The following DNAH14 variants were observed in gnomAD, a reference collection of about 807,000 sequenced individuals.
DNAH14 encodes dynein axonemal heavy chain 14.
Under a neutral mutation model 520.9 loss-of-function variants are expected in DNAH14, and 478 were observed. The observed-to-expected ratio is 0.92, with a 90% CI of 0.85 to 0.99. The LOEUF (loss-of-function observed/expected upper bound fraction) is 0.99, where lower values mean the gene tolerates loss of function less well. Ranked by LOEUF, DNAH14 falls within the 50% of genes least tolerant of loss-of-function variation. The pLI is 0.00. For missense variants in DNAH14, 4,831 were observed against 5,234.5 expected (o/e 0.92, Z 2.38); for synonymous variants, 1,581 against 1,757.2 (o/e 0.90, Z 2.51).
chr1:225,318,745 C>G, intron 61 of DNAH14, 68 bp downstream of exon 61: 1 of 1,401,926 alleles, frequency 7.1e-7, no homozygotes, highest in Non-Finnish European at 9.7e-7. Flanking sequence ...GTTTACTAAG[C>G]CTATATTCCA....
At chr1:225,200,881 C>T (rs968074983) in intron 38 of DNAH14, among the ~76,000 whole-genome samples, 1 of 152,070 alleles carries the variant, frequency 6.6e-6, no homozygotes, top group African/African-American at 2.4e-5. Context: ...CATCGAGCTT[C>T]TTGTATTTAA....
At chr1:225,091,191 T>G (rs2074359480) in intron 21 of DNAH14, among the ~76,000 whole-genome samples, 2 of 152,084 alleles carry the variant, frequency 1.3e-5, no homozygotes, top group Non-Finnish European at 2.9e-5. Flanking sequence ...TCATGAAAAT[T>G]TCTTCAACTT....
Position 225,351,894 on chromosome 1 carries a change from A to G in DNAH14, c.11533+11A>G, listed in dbSNP as rs1199904520. 1.3e-6 allele frequency: 2 copies of G among 1,546,294 alleles called. No homozygotes were observed. Among genetic ancestry groups the G allele is most frequent in the East Asian group, 2.4e-5 (1 of 40,878 alleles). On this transcript the variant is annotated intron_variant, in intron 72 of 85. Coordinates refer to ENST00000682510, the MANE Select transcript of DNAH14 (RefSeq NM_001367479.1). ...AACCACCAGAGGAAAGTAAGAAAGC[A>G]TTCAGTGTTTTAACCTAACTTAAGT...
intron 1 of DNAH14, among the ~76,000 whole-genome samples, chr1:224,934,770 C>T (rs2058918437): frequency 1.3e-5 from 2 of 151,776 alleles, no homozygotes; most frequent in Admixed American, 1.3e-4. Context: ...ATCTTAAAAA[C>T]ACCAAGAGAA....
At chr1:225,339,919 C>A (rs901365104) in intron 68 of DNAH14, among the ~76,000 whole-genome samples, 2 of 152,162 alleles carry the variant, frequency 1.3e-5, no homozygotes, top group African/African-American at 2.4e-5. Flanking sequence ...CCTCCTCTGC[C>A]TCTCCTCCCA....
rs2092585455 is a variant in DNAH14 at position 225,252,324 on chromosome 1, T to C, written c.6772T>C (p.Cys2258Arg). 1 of 1,549,332 alleles carries C rather than the reference T, an allele frequency of 6.5e-7. No homozygotes were observed. Residue 2258 changes from cysteine (C) to arginine (R), a missense_variant, in exon 44 of 86, where the codon TGT becomes CGT. Transcript: ENST00000682510. ...AGGCATCAACCTACCAACTGGTGAATGTTCCATCTTTGGATATTTTGTGGA... is the reference window on the plus strand; with the variant it reads ...AGGCATCAACCTACCAACTGGTGAACGTTCCATCTTTGGATATTTTGTGGA... ...QVGINLPTGE[C>R]SIFGYFVDIE... is the part of the protein sequence containing the mutation.
intron 84 of DNAH14, among the ~76,000 whole-genome samples, chr1:225,395,235 G>T (rs1022898110): frequency 6.6e-6 from 1 of 152,112 alleles, no homozygotes; most frequent in Non-Finnish European, 1.5e-5. Flanking sequence ...AGATCCTAAG[G>T]TTGAATCATC....
intron 8 of DNAH14, among the ~76,000 whole-genome samples, chr1:224,998,254 A>G (rs1046218344): frequency 6.6e-6 from 1 of 151,700 alleles, no homozygotes; most frequent in Non-Finnish European, 1.5e-5. Flanking sequence ...ATTTTTCTCT[A>G]TGGTTTTTCT....
intron 80 of DNAH14, among the ~76,000 whole-genome samples, chr1:225,380,806 A>G (rs1031719859): frequency 6.6e-6 from 1 of 152,100 alleles, no homozygotes; most frequent in Non-Finnish European, 1.5e-5. Flanking sequence ...GACTATGATA[A>G]TTTTCCCAGT....
chr1:225,268,639 A>G (rs934853541), intron 49 of DNAH14, among the ~76,000 whole-genome samples: 1 of 152,224 alleles, frequency 6.6e-6, no homozygotes, highest in Non-Finnish European at 1.5e-5. Flanking sequence ...GTCTCAGGAT[A>G]CAAAATCACT....
intron 27 of DNAH14, among the ~76,000 whole-genome samples, chr1:225,136,613 T>G (rs1266231130): frequency 2.0e-5 from 3 of 152,142 alleles, no homozygotes; most frequent in African/African-American, 7.2e-5. Flanking sequence ...ATGGAGAATC[T>G]CATGATTATG....
At chr1:225,021,179 C>G (rs2065662445) in intron 10 of DNAH14, among the ~76,000 whole-genome samples, 1 of 152,154 alleles carries the variant, frequency 6.6e-6, no homozygotes, top group East Asian at 1.9e-4. Context: ...ATGGCAAGCA[C>G]ACAGTGAACA....
intron 36 of DNAH14, among the ~76,000 whole-genome samples, chr1:225,170,103 A>G (rs1018474158): frequency 3.4e-4 from 51 of 152,224 alleles, no homozygotes; most frequent in Non-Finnish European, 6.6e-4. Flanking sequence ...CTGCCCTACA[A>G]GAGCTCCTGA....
chr1:225,319,350 G>A (rs2094520165), intron 61 of DNAH14, among the ~76,000 whole-genome samples: 1 of 152,144 alleles, frequency 6.6e-6, no homozygotes, highest in South Asian at 2.1e-4. Flanking sequence ...ATAATTTTTA[G>A]CTTGAGCTCC....
At chr1:225,050,167 A>G (rs970895934) in intron 15 of DNAH14, 43 bp from the exon 16 acceptor site, 1 of 1,483,258 alleles carries the variant, frequency 6.7e-7, no homozygotes, top group Non-Finnish European at 8.9e-7. Flanking sequence ...TGTTGCTTTC[A>G]ATGGCATTTC....
At chr1:225,318,508 G>C (rs1057009223) in intron 60 of DNAH14, 75 bp from the exon 61 acceptor site, 1 of 1,296,760 alleles carries the variant, frequency 7.7e-7, no homozygotes, top group Non-Finnish European at 1.1e-6. Context: ...TATTTTCCAA[G>C]TTCAGCATAC....
chr1:225,379,214 G>A (rs1404852890), intron 79 of DNAH14, among the ~76,000 whole-genome samples: 1 of 152,322 alleles, frequency 6.6e-6, no homozygotes, highest in East Asian at 1.9e-4. Context: ...GCTTCAGCGT[G>A]CTCTGTTTAG....
At position 225,085,548 on chromosome 1, in the gene DNAH14, T is replaced by C; in HGVS notation, c.3332T>C (p.Phe1111Ser). 1 of 1,542,134 alleles carries C rather than the reference T, an allele frequency of 6.5e-7. No homozygotes were observed. The highest frequency in any genetic ancestry group is 8.8e-7 in the Non-Finnish European group (1 of 1,139,192). The stretch of plus-strand genomic sequence containing the variant: ...AGAATACTTTGTTCATTTTAGATGT[T>C]TCAGTATGAAAATGAAATAAATGAT... ...KVENLLALKM[F>S]QYENEINDMS... is the part of the protein sequence containing the mutation. The change falls in exon 21 of 86, where the codon TTT (phenylalanine) becomes TCT (serine). Residue 1111 changes from phenylalanine to serine, a missense_variant. Physicochemically the swap from Phe to Ser is radical, Grantham distance 155 (BLOSUM62 -2). Transcript: ENST00000682510.
At position 225,041,255 on chromosome 1, in the gene DNAH14, AT is replaced by A. The variant is rs1558763483; in HGVS notation, c.1489-1579del. 2.6e-5 allele frequency among the ~76,000 whole-genome samples: 4 copies of A among 152,336 alleles called. No homozygotes were observed. In the South Asian group the frequency reaches 8.3e-4, roughly 32 times the overall value. On this transcript the variant is annotated intron_variant, in intron 12 of 85. Transcript: ENST00000682510. ...AGAGCTCAAAATGTTGAAAATATAG[AT>A]CTGAATCTCAAGCGAGAGATAAGAG...
Sources: allele counts gnomAD v4.1 joint callset (sites outside exome capture counted in the v4.1 genomes callset), GRCh38; gene constraint gnomAD v4.1.1; transcripts MANE v1.5; gene names NCBI Gene and HGNC (gene_info 2026-07-23, HGNC 2026-07-21).